The following CNTN4 variants were observed in gnomAD, a reference collection of about 807,000 sequenced individuals.
The protein encoded by CNTN4 is contactin-4.
Under a neutral mutation model 122.5 loss-of-function variants are expected in CNTN4, and 77 were observed. The ratio of observed to expected loss-of-function variants is 0.63; its 90% CI spans 0.52 to 0.76. The LOEUF (loss-of-function observed/expected upper bound fraction) is 0.76, where lower values mean the gene tolerates loss of function less well. CNTN4 is among the 30% of genes least tolerant of loss of function. CNTN4 has a pLI of 0.00. For synonymous variants in CNTN4, 512 were observed against 447.0 expected (o/e 1.15, Z -1.83); for missense variants, 1,256 against 1,259.1 (o/e 1.00, Z 0.04).
At chr3:2,819,634 C>A in intron 7 of CNTN4, 53 bp downstream of exon 7, 1 of 1,278,544 alleles carries the variant, frequency 7.8e-7, no homozygotes, top group Non-Finnish European at 1.1e-6. Context: ...TATTTTTCTT[C>A]CTCAATGTTC....
chr3:2,290,371 T>G (rs2042087186), intron 2 of CNTN4, among the ~76,000 whole-genome samples: 1 of 152,172 alleles, frequency 6.6e-6, no homozygotes, highest in African/African-American at 2.4e-5. Context: ...CTGCACTAAT[T>G]GTGTTTTATG....
Position 2,385,362 on chromosome 3 carries a change from T to C in CNTN4, c.-89+46129T>C, listed in dbSNP as rs554756934. On this transcript the variant is annotated intron_variant, in intron 3 of 24. Transcript: ENST00000418658. This position sits in a 1 kb window ranked among gnomAD's most constrained non-coding sequence, Gnocchi z 4.0. ...ATTACTCTTGTTGCACTGAATAACC[T>C]ATTAGCATACTTAAGGCAGAGTCTT... 2.6e-5 allele frequency among the ~76,000 whole-genome samples: 4 copies of C among 152,134 alleles called. No homozygotes were observed. Among genetic ancestry groups the C allele is most frequent in the Non-Finnish European group, 4.4e-5 (3 of 68,030 alleles).
intron 4 of CNTN4, among the ~76,000 whole-genome samples, chr3:2,708,493 G>T (rs1013373194): frequency 1.3e-5 from 2 of 152,194 alleles, no homozygotes; most frequent in African/African-American, 4.8e-5. Context: ...GTTATCTCTA[G>T]CTGCTGTGCG....
chr3:2,218,328 A>G (rs2038929013), intron 2 of CNTN4, among the ~76,000 whole-genome samples: 1 of 152,198 alleles, frequency 6.6e-6, no homozygotes, highest in Non-Finnish European at 1.5e-5. Context: ...TGAAATTGCA[A>G]ACATGTATAT....
intron 13 of CNTN4, among the ~76,000 whole-genome samples, chr3:2,978,020 G>T (rs1438314123): frequency 1.3e-5 from 2 of 152,200 alleles, no homozygotes; most frequent in Non-Finnish European, 2.9e-5. Context: ...ACAGCCGCCA[G>T]AAGCTGGGAG....
chr3:2,992,458 CA>C (rs1417950608), intron 14 of CNTN4, among the ~76,000 whole-genome samples: 2 of 152,088 alleles, frequency 1.3e-5, no homozygotes, highest in African/African-American at 4.8e-5. Context: ...AAGAACTCTA[CA>C]GAGGGCAGGG....
chr3:2,538,676 T>C (rs530285792), intron 3 of CNTN4, among the ~76,000 whole-genome samples: 1 of 151,994 alleles, frequency 6.6e-6, no homozygotes, highest in Non-Finnish European at 1.5e-5. Flanking sequence ...TATATACTTA[T>C]ATTTCATGTT....
At chr3:2,666,456 C>A (rs1043631836) in intron 4 of CNTN4, among the ~76,000 whole-genome samples, 1 of 152,056 alleles carries the variant, frequency 6.6e-6, no homozygotes, top group African/African-American at 2.4e-5. Context: ...GATCATAGTG[C>A]AATAAGTGGC....
chr3:3,040,328 T>C, intron 20 of CNTN4, 57 bp downstream of exon 20: 2 of 1,324,130 alleles, frequency 1.5e-6, no homozygotes, highest in Non-Finnish European at 2.2e-6. Context: ...TTCTAAAATG[T>C]GGATTGTAGC....
chr3:2,653,232 A>G (rs1333552881), intron 4 of CNTN4, among the ~76,000 whole-genome samples: 1 of 152,052 alleles, frequency 6.6e-6, no homozygotes, highest in Admixed American at 6.6e-5. Flanking sequence ...TTTTATTTTT[A>G]TTAATCATTA....
At chr3:2,459,373 C>T (rs770123226) in intron 3 of CNTN4, among the ~76,000 whole-genome samples, 4 of 151,980 alleles carry the variant, frequency 2.6e-5, no homozygotes. Flanking sequence ...ACAGTAAAAA[C>T]GAACTTGAAA....
At chr3:2,446,962 A>G (rs1239766614) in intron 3 of CNTN4, among the ~76,000 whole-genome samples, 1 of 152,190 alleles carries the variant, frequency 6.6e-6, no homozygotes, top group Non-Finnish European at 1.5e-5. Flanking sequence ...TAGATGAGCA[A>G]AAAATAACTA....
At chr3:2,534,176 TG>T (rs1327225768) in intron 3 of CNTN4, among the ~76,000 whole-genome samples, 5 of 152,206 alleles carry the variant, frequency 3.3e-5, no homozygotes, top group African/African-American at 7.2e-5. Context: ...ATGAAGTCCT[TG>T]CCCATGCCTA....
At chr3:3,020,406 A>T (rs1385688022) in intron 14 of CNTN4, among the ~76,000 whole-genome samples, 1 of 152,248 alleles carries the variant, frequency 6.6e-6, no homozygotes. Flanking sequence ...AATGTCGAAG[A>T]AAGAAAAACA....
In CNTN4 at chr3:2,838,295, A is replaced by G. The variant is rs568574460; in HGVS notation, c.454+18714A>G. Among the ~76,000 whole-genome samples, 44 of 152,254 alleles carry G rather than the reference A, an allele frequency of 2.9e-4. 1 individual carries two copies. In the East Asian group the frequency reaches 7.9e-3, roughly 27 times the overall value. The stretch of plus-strand genomic sequence containing the variant: ...GTAAGACTAAAATTAATCCTCCATA[A>G]TCCTAGCTTTAGAAACTCTCATCTT... On this transcript the variant is annotated intron_variant, in intron 7 of 24. Transcript: ENST00000418658.
At chr3:2,437,714 G>A (rs916622490) in intron 3 of CNTN4, among the ~76,000 whole-genome samples, 8 of 152,180 alleles carry the variant, frequency 5.3e-5, no homozygotes, top group African/African-American at 1.2e-4. Context: ...GAATGATTAT[G>A]ATTCAGGTGG....
At chr3:2,412,375 C>A (rs1001428357) in intron 3 of CNTN4, among the ~76,000 whole-genome samples, 4 of 152,056 alleles carry the variant, frequency 2.6e-5, no homozygotes, top group African/African-American at 9.7e-5. Context: ...CTTCAGCCTC[C>A]CGAGTAGCTG....
chr3:2,849,225 T>G (rs2093505530), intron 7 of CNTN4, among the ~76,000 whole-genome samples: 1 of 152,212 alleles, frequency 6.6e-6, no homozygotes, highest in South Asian at 2.1e-4. Context: ...GAAGAATGCC[T>G]GAACCTAATA....
chr3:2,227,467 A>G (rs78577488), intron 2 of CNTN4, among the ~76,000 whole-genome samples: 9 of 152,286 alleles, frequency 5.9e-5, no homozygotes, highest in African/African-American at 1.9e-4. Context: ...TCCAGCATTA[A>G]AAGCATAAGG....
Sources: allele counts gnomAD v4.1 joint callset (sites outside exome capture counted in the v4.1 genomes callset), GRCh38; gene constraint gnomAD v4.1.1; non-coding constraint Gnocchi (gnomAD v3.1); transcripts MANE v1.5; gene names NCBI Gene and HGNC (gene_info 2026-07-23, HGNC 2026-07-21).